SDCBP: variants seen among roughly 807,000 people sequenced by gnomAD.
SDCBP encodes syndecan binding protein, also known as syntenin-1.
SDCBP carries 22 observed loss-of-function variants against 30.5 expected under a neutral mutation model. That is an observed-to-expected ratio of 0.72 (90% CI 0.52 to 1.03). SDCBP has a LOEUF of 1.03. Ranked by LOEUF, SDCBP falls within the 50% of genes least tolerant of loss-of-function variation. SDCBP has a pLI of 0.00. For synonymous variants in SDCBP, 103 were observed against 118.7 expected, an observed-to-expected ratio of 0.87 and a Z score of 0.86; for missense variants, 304 against 369.9, an observed-to-expected ratio of 0.82 and a Z score of 1.46.
At chr8:58,567,238 C>A (rs1669895196) in intron 2 of SDCBP, among the ~76,000 whole-genome samples, 1 of 152,116 alleles carries the variant, frequency 6.6e-6, no homozygotes, top group South Asian at 2.1e-4. Context: ...ATTTTTACTG[C>A]AAATAACATA....
intron 4 of SDCBP, among the ~76,000 whole-genome samples, chr8:58,573,283 A>G (rs1049182811): frequency 6.6e-6 from 1 of 152,210 alleles, no homozygotes; most frequent in African/African-American, 2.4e-5. Flanking sequence ...TCTTGTTGCC[A>G]TATCCCAATG....
At chr8:58,567,892 G>T (rs1040201711) in intron 2 of SDCBP, among the ~76,000 whole-genome samples, 3 of 152,108 alleles carry the variant, frequency 2.0e-5, no homozygotes, top group African/African-American at 7.2e-5. Flanking sequence ...CAATGTAAAA[G>T]ATTTAAAATG....
chr8:58,553,600 C>G (rs1048254425), intron 1 of SDCBP, among the ~76,000 whole-genome samples: 9 of 151,968 alleles, frequency 5.9e-5, no homozygotes, highest in African/African-American at 1.9e-4. Context: ...TGGCAGAGCC[C>G]GGAGGCCCGG....
At chr8:58,580,112 G>A (rs1805598465) in intron 7 of SDCBP, among the ~76,000 whole-genome samples, 1 of 152,116 alleles carries the variant, frequency 6.6e-6, no homozygotes, top group African/African-American at 2.4e-5. Context: ...ATGAATAATA[G>A]TTTTGGTTCA....
In SDCBP at chr8:58,578,200, T is replaced by C. The variant is rs1461031012; in HGVS notation, c.570T>C (p.Ile190=). The part of the protein sequence containing the change: ...QAFGEKITMT[I]RDRPFERTIT... The stretch of plus-strand genomic sequence containing the variant: ...TTGGAGAGAAGATTACCATGACCAT[T>C]CGTGACAGGTAAGCTGTTACTAAAC... The change falls in exon 6 of 9, where the codon ATT becomes ATC. Residue 190 remains isoleucine (I), a synonymous_variant. Coordinates refer to ENST00000260130, the MANE Select transcript of SDCBP (RefSeq NM_005625.4). 5 of 1,555,968 alleles carry C rather than the reference T, an allele frequency of 3.2e-6. No homozygotes were observed. Among genetic ancestry groups the C allele is most frequent in the Non-Finnish European group, 4.3e-6 (5 of 1,155,664 alleles).
At chr8:58,557,357 TATATAAAAATATATAA>T (rs1473630168) in intron 1 of SDCBP, among the ~76,000 whole-genome samples, 1 of 137,598 alleles carries the variant, frequency 7.3e-6, no homozygotes, top group Non-Finnish European at 1.5e-5. Flanking sequence ...AATATATAGA[TATATAAAAATATATAA>T]ATATAAAAAT....
At chr8:58,569,550 T>C (rs939205144) in intron 2 of SDCBP, among the ~76,000 whole-genome samples, 4 of 152,236 alleles carry the variant, frequency 2.6e-5, no homozygotes, top group Non-Finnish European at 2.9e-5. Flanking sequence ...GTCGTATAGT[T>C]GGAATCATAA....
chr8:58,559,727 C>T (rs1235230852), intron 1 of SDCBP, among the ~76,000 whole-genome samples: 1 of 152,210 alleles, frequency 6.6e-6, no homozygotes, highest in Non-Finnish European at 1.5e-5. Context: ...CTTCTCCCCA[C>T]AGAAATACTG....
intron 1 of SDCBP, chr8:58,560,589 T>C (rs1425356986): frequency 6.6e-6 from 1 of 152,224 alleles, no homozygotes; most frequent in East Asian, 1.9e-4. Context: ...TTGCAGCAGC[T>C]CCAGAGAACC....
chr8:58,574,744 CTG>C (rs1336144499), intron 4 of SDCBP, among the ~76,000 whole-genome samples: 5 of 152,104 alleles, frequency 3.3e-5, no homozygotes, highest in Non-Finnish European at 7.3e-5. Context: ...ATATATTCAA[CTG>C]TATATATCAA....
At chr8:58,571,178 G>A (rs961467902) in intron 3 of SDCBP, among the ~76,000 whole-genome samples, 3 of 152,198 alleles carry the variant, frequency 2.0e-5, no homozygotes, top group East Asian at 3.9e-4. Flanking sequence ...GTATTTCATG[G>A]CTTAATGAAA....
intron 4 of SDCBP, among the ~76,000 whole-genome samples, chr8:58,574,065 T>C (rs1445480672): frequency 6.6e-6 from 1 of 152,180 alleles, no homozygotes; most frequent in Non-Finnish European, 1.5e-5. Context: ...TTTAAAAATA[T>C]AAAAATCATT....
intron 4 of SDCBP, among the ~76,000 whole-genome samples, chr8:58,574,925 TTAA>T (rs1805238220): frequency 1.3e-5 from 2 of 152,186 alleles, no homozygotes; most frequent in Admixed American, 1.3e-4. Flanking sequence ...TACAGTATTA[TTAA>T]TTATAGTTAC....
intron 7 of SDCBP, 57 bp from the exon 8 acceptor site, chr8:58,580,460 T>G (rs941498958): frequency 1.5e-5 from 13 of 864,618 alleles, no homozygotes; most frequent in Admixed American, 9.4e-5. Flanking sequence ...TGGCATAGTT[T>G]TGTATTTATT....
intron 3 of SDCBP, among the ~76,000 whole-genome samples, chr8:58,571,275 T>C (rs927057386): frequency 6.6e-6 from 1 of 152,192 alleles, no homozygotes; most frequent in African/African-American, 2.4e-5. Context: ...ATGAGAACTA[T>C]ATGAATTCAC....
In SDCBP at chr8:58,579,809, T is replaced by G; in HGVS notation, c.750+15T>G. 1 of 1,566,868 alleles carries G rather than the reference T, an allele frequency of 6.4e-7. No homozygotes were observed. Reference sequence around the variant, plus strand: ...TTGGATTGAAGGTAAGGAACAGACTTTGTGCCATGTTCTGCTGCAGTTTTA... The same window carrying G: ...TTGGATTGAAGGTAAGGAACAGACTGTGTGCCATGTTCTGCTGCAGTTTTA... On this transcript the variant is annotated intron_variant, in intron 7 of 8. Transcript: ENST00000260130.
intron 2 of SDCBP, among the ~76,000 whole-genome samples, chr8:58,569,859 A>C (rs1037385157): frequency 1.3e-5 from 2 of 152,138 alleles, no homozygotes; most frequent in African/African-American, 4.8e-5. Flanking sequence ...TGAAATAATA[A>C]ATATTAAAGG....
intron 6 of SDCBP, 182 bp downstream of exon 6, chr8:58,578,390 A>T: frequency 2.2e-6 from 1 of 455,268 alleles, no homozygotes; most frequent in East Asian, 3.6e-5. Context: ...GCATTCTGAT[A>T]CGATACCTTA....
At chr8:58,568,685 T>C (rs1804844007) in intron 2 of SDCBP, among the ~76,000 whole-genome samples, 1 of 152,202 alleles carries the variant, frequency 6.6e-6, no homozygotes, top group Admixed American at 6.5e-5. Context: ...ATGATGTCAC[T>C]AGACAGTAGG....
Sources: allele counts gnomAD v4.1 joint callset (sites outside exome capture counted in the v4.1 genomes callset), GRCh38; gene constraint gnomAD v4.1.1; transcripts MANE v1.5; gene names NCBI Gene and HGNC (gene_info 2026-07-23, HGNC 2026-07-21).